Variants in KDM7A observed in about 807,000 individuals in gnomAD.
KDM7A encodes lysine-specific demethylase 7A.
In KDM7A, 28 loss-of-function variants were observed where a neutral mutation model predicts 114.8. The ratio of observed to expected loss-of-function variants is 0.24; its 90% CI spans 0.18 to 0.33. The LOEUF (loss-of-function observed/expected upper bound fraction) is 0.33. Ranked by LOEUF, KDM7A falls within the 10% of genes least tolerant of loss-of-function variation. The pLI, the probability that KDM7A is intolerant of heterozygous loss-of-function variation, is 1.00. For missense variants in KDM7A, 942 were observed against 1,142.5 expected (o/e 0.82, Z 2.53); for synonymous variants, 423 against 397.8 (o/e 1.06, Z -0.75).
At chr7:140,126,612 A>G in intron 6 of KDM7A, 25 bp downstream of exon 6, 1 of 1,505,974 alleles carries the variant, frequency 6.6e-7, no homozygotes. Flanking sequence ...TGTCAGTGAG[A>G]GAACAAAAAA....
chr7:140,164,096 T>C (rs2116852714), intron 1 of KDM7A, among the ~76,000 whole-genome samples: 1 of 152,290 alleles, frequency 6.6e-6, no homozygotes, highest in Non-Finnish European at 1.5e-5. Context: ...TCCTGTGAAA[T>C]TTTCGGGGAT....
At chr7:140,173,827 C>G (rs1387884753) in intron 1 of KDM7A, among the ~76,000 whole-genome samples, 1 of 151,954 alleles carries the variant, frequency 6.6e-6, no homozygotes, top group East Asian at 1.9e-4. Flanking sequence ...GAGTAAATAC[C>G]ACGGGAAAAA....
chr7:140,149,894 T>C (rs1442508345), intron 1 of KDM7A, among the ~76,000 whole-genome samples: 1 of 152,220 alleles, frequency 6.6e-6, no homozygotes, highest in African/African-American at 2.4e-5. Flanking sequence ...CTGTAATATA[T>C]ATCTGAAGTG....
intron 1 of KDM7A, among the ~76,000 whole-genome samples, chr7:140,153,292 C>A (rs950012464): frequency 6.6e-6 from 1 of 151,486 alleles, no homozygotes; most frequent in Non-Finnish European, 1.5e-5. Context: ...TTGAGACCAT[C>A]CTGGCTAACA....
At chr7:140,127,181 G>A (rs1818719477) in intron 5 of KDM7A, among the ~76,000 whole-genome samples, 1 of 152,152 alleles carries the variant, frequency 6.6e-6, no homozygotes, top group African/African-American at 2.4e-5. Context: ...GGCTGGTTTT[G>A]AACTCCTGGC....
Position 140,129,580 on chromosome 7 carries a change from C to T in KDM7A, c.472G>A (p.Val158Ile), listed in dbSNP as rs752123064. 9.9e-6 allele frequency: 16 copies of T among 1,610,320 alleles called. No individual in the cohort carries two copies. The highest frequency in any genetic ancestry group is 1.3e-5 in the Non-Finnish European group (15 of 1,176,782). ...TCTAATTTTGGGACCATAATAGGGA[C>T]ATCAAATCCATGTTTCTCCAGATAT... ...QRYLEKHGFD[V>I]PIMVPKLDDL... Residue 158 changes from valine to isoleucine, a missense_variant, in exon 4 of 20, where the codon GTC (valine) becomes ATC (isoleucine). Around this residue, in one of 4 missense-constraint regions of KDM7A, gnomAD observed 318 missense variants for 453.1 expected, o/e 0.70. Transcript: ENST00000397560.
chr7:140,170,912 T>A (rs564275498), intron 1 of KDM7A, among the ~76,000 whole-genome samples: 3 of 152,246 alleles, frequency 2.0e-5, no homozygotes, highest in African/African-American at 4.8e-5. Flanking sequence ...CAACAAATTT[T>A]AAAATACTGT....
chr7:140,096,361 G>A (rs889517855), intron 17 of KDM7A, among the ~76,000 whole-genome samples, 194 bp downstream of exon 17: 3 of 152,112 alleles, frequency 2.0e-5, no homozygotes, highest in African/African-American at 7.2e-5. Context: ...TCAATCCCAG[G>A]TAATTTACAT....
Position 140,100,754 on chromosome 7 carries a change from T to TTG in KDM7A, c.1639-732_1639-731insCA, listed in dbSNP as rs1554395447. ...TATATATATATATACATATATATTT[T>TTG]TTTGTTTGTTTGTTTGTTTGTTTGG... On this transcript the variant is annotated intron_variant, in intron 12 of 19. Transcript: ENST00000397560. Among the ~76,000 whole-genome samples the TTG allele has an allele frequency of 7.1e-3, 761 of 107,602 alleles. 13 individuals carry two copies. Among genetic ancestry groups the TTG allele is most frequent in the African/African-American group, 0.023 (618 of 27,362 alleles). 70.6% of individuals were successfully genotyped at this position (107,602 alleles called of 152,430 possible).
At chr7:140,124,884 A>G (rs1228907846) in intron 6 of KDM7A, 101 bp from the exon 7 acceptor site, 1 of 697,046 alleles carries the variant, frequency 1.4e-6, no homozygotes, top group Non-Finnish European at 2.3e-6. Flanking sequence ...ATTAAATTGG[A>G]TAATTATCAG....
Position 140,170,376 on chromosome 7 carries a change from A to C in KDM7A, c.194+6368T>G, listed in dbSNP as rs113759101. Among the ~76,000 whole-genome samples, 446 of 152,276 alleles carry C rather than the reference A, an allele frequency of 2.9e-3. 5 individuals carry two copies. Among genetic ancestry groups the C allele is most frequent in the African/African-American group, 0.01 (427 of 41,550 alleles). On this transcript the variant is annotated intron_variant, in intron 1 of 19. Transcript: ENST00000397560. ...CCTGCCTCAACTGTCTCACCTATGC[A>C]CCCCTGAGATAGAGACAGACAAGTC... is the stretch of plus-strand genomic sequence containing the variant.
At chr7:140,132,495 T>C (rs995108086) in intron 3 of KDM7A, among the ~76,000 whole-genome samples, 3 of 152,166 alleles carry the variant, frequency 2.0e-5, no homozygotes, top group Admixed American at 1.3e-4. Flanking sequence ...AAACCTCTCT[T>C]AGACCCACCA....
chr7:140,093,157 T>C lies in KDM7A; in HGVS notation c.2457+899A>G, dbSNP rs113448110. ...AGGGGTAGAGTCTTTTCTGTCTATATACACGGGTGTCTCCTCCTCCAGGGA... is the reference window on the plus strand; with the variant it reads ...AGGGGTAGAGTCTTTTCTGTCTATACACACGGGTGTCTCCTCCTCCAGGGA... On this transcript the variant is annotated intron_variant, in intron 18 of 19. Coordinates refer to ENST00000397560, the MANE Select transcript of KDM7A (RefSeq NM_030647.2). Among the ~76,000 whole-genome samples, 408 of 152,362 alleles carry C rather than the reference T, an allele frequency of 2.7e-3. 4 individuals are homozygous for C. Among genetic ancestry groups the C allele is most frequent in the African/African-American group, 9.4e-3 (390 of 41,588 alleles).
chr7:140,152,872 T>A (rs1198466988), intron 1 of KDM7A, among the ~76,000 whole-genome samples: 1 of 152,028 alleles, frequency 6.6e-6, no homozygotes, highest in Non-Finnish European at 1.5e-5. Context: ...TGTAATTCCT[T>A]TTTTTTGAGA....
rs1044837104 is a variant in KDM7A at position 140,087,823 on chromosome 7, T to A, written c.*3271A>T. 2.0e-5 allele frequency: 3 copies of A among 152,218 alleles called. No individual in the cohort carries two copies. The highest frequency in any genetic ancestry group is 4.4e-5 in the Non-Finnish European group (3 of 68,040). The allele number at this position is 152,218 out of a possible 1,614,324, so 9.4% of individuals were successfully genotyped here. A position where few individuals can be genotyped will look rare whatever the true frequency, so the allele number is the denominator to read the frequency against. On this transcript the variant is annotated 3_prime_UTR_variant, in exon 20 of 20. Coordinates refer to ENST00000397560, the MANE Select transcript of KDM7A (RefSeq NM_030647.2). ...TTACTTTCACTTCTACAGTGGCATA[T>A]CTCAGTTGAAACTAAAAAAGTCAGC...
intron 11 of KDM7A, among the ~76,000 whole-genome samples, chr7:140,103,685 C>T (rs1818276595): frequency 6.6e-6 from 1 of 152,138 alleles, no homozygotes; most frequent in African/African-American, 2.4e-5. Context: ...GTATATGTGC[C>T]ACAATTTCTT....
chr7:140,137,818 T>C (rs548916518), intron 2 of KDM7A, among the ~76,000 whole-genome samples: 2 of 152,270 alleles, frequency 1.3e-5, no homozygotes, highest in Admixed American at 6.5e-5. Flanking sequence ...TAAGTCTCTT[T>C]TGAAAAAATA....
intron 17 of KDM7A, 39 bp from the exon 18 acceptor site, chr7:140,094,177 T>G: frequency 7.9e-7 from 1 of 1,258,516 alleles, no homozygotes; most frequent in Non-Finnish European, 1.2e-6. Flanking sequence ...TTGCACAAAC[T>G]TGATTTGAAA....
intron 11 of KDM7A, among the ~76,000 whole-genome samples, chr7:140,103,880 C>T (rs567467270): frequency 1.1e-4 from 17 of 152,264 alleles, no homozygotes; most frequent in African/African-American, 3.9e-4. Context: ...CCTGAGGAAT[C>T]GCCACATTGA....
Sources: gnomAD v4.1 joint callset for allele counts (sites outside exome capture counted in the v4.1 genomes callset) on GRCh38, gnomAD v4.1.1 for gene constraint, gnomAD v4.1.1 regional missense constraint, MANE v1.5 for transcripts, NCBI Gene and HGNC (gene_info 2026-07-23, HGNC 2026-07-21) for gene names.